The following ITGA11 variants were observed in gnomAD, a reference collection of about 807,000 sequenced individuals.
The protein encoded by ITGA11 is integrin alpha-11.
In ITGA11, 97 loss-of-function variants were observed where a neutral mutation model predicts 141.9. That is an observed-to-expected ratio of 0.68 (90% CI 0.58 to 0.81). ITGA11 has a LOEUF of 0.81. Among genes scored for constraint, ITGA11 ranks in the 30% least tolerant of loss-of-function variants. The pLI, the probability that ITGA11 is intolerant of heterozygous loss-of-function variation, is 0.00. For synonymous variants in ITGA11, 658 were observed against 624.6 expected (o/e 1.05, Z -0.80); for missense variants, 1,387 against 1,559.2 (o/e 0.89, Z 1.86).
chr15:68,310,988 A>G lies in ITGA11; in HGVS notation c.3174+6T>C, dbSNP rs2140271620. ...CACTGTGGCTCTCGGTCTGGGGGAC[A>G]CTCACCAGCTGTGGAGCACGACGCA... On this transcript the variant is annotated splice_donor_region_variant and intron_variant, in intron 26 of 29. Transcript: ENST00000315757. 1 of 1,595,156 alleles carries G rather than the reference A, an allele frequency of 6.3e-7. No individual in the cohort carries two copies. Among genetic ancestry groups the G allele is most frequent in the Non-Finnish European group, 8.5e-7 (1 of 1,170,138 alleles).
chr15:68,428,881 T>C (rs1897205963), intron 1 of ITGA11, among the ~76,000 whole-genome samples: 1 of 152,136 alleles, frequency 6.6e-6, no homozygotes, highest in Non-Finnish European at 1.5e-5. Flanking sequence ...ACAACAACCC[T>C]GAGTTCTTAT....
At chr15:68,319,890 C>T (rs1251482118) in intron 20 of ITGA11, among the ~76,000 whole-genome samples, 1 of 152,172 alleles carries the variant, frequency 6.6e-6, no homozygotes, top group Non-Finnish European at 1.5e-5. Context: ...CAGTTAGGAT[C>T]TCCAGAGGAG....
In ITGA11 at chr15:68,351,294, T is replaced by C; in HGVS notation, c.858A>G (p.Gln286=). ...ATCTTGTTACGTTGTCTCTTTCGCT[T>C]TGCTGGATCACCTTCTCCAGGTCTG... is the stretch of plus-strand genomic sequence containing the variant. The part of the protein sequence containing the change: ...DSPDLEKVIQ[Q]SERDNVTRYA... Residue 286 remains glutamine (Q), a synonymous_variant, in exon 8 of 30, where the codon CAA becomes CAG. Transcript: ENST00000315757. 1 of 1,614,058 alleles carries C rather than the reference T, an allele frequency of 6.2e-7. No homozygotes were observed. Among genetic ancestry groups the C allele is most frequent in the Non-Finnish European group, 8.5e-7 (1 of 1,179,900 alleles).
chr15:68,334,184 G>A (rs931697036), intron 12 of ITGA11, among the ~76,000 whole-genome samples: 2 of 152,366 alleles, frequency 1.3e-5, no homozygotes, highest in Middle Eastern at 3.4e-3. Context: ...ACTTTGCCTG[G>A]CACACAGAAG....
intron 2 of ITGA11, among the ~76,000 whole-genome samples, chr15:68,377,160 T>C (rs1412808620): frequency 6.6e-6 from 1 of 152,254 alleles, no homozygotes; most frequent in Non-Finnish European, 1.5e-5. Context: ...TAAATAATCC[T>C]TTAATTGGTT....
At chr15:68,380,703 G>C (rs989934663) in intron 2 of ITGA11, among the ~76,000 whole-genome samples, 8 of 152,154 alleles carry the variant, frequency 5.3e-5, no homozygotes, top group African/African-American at 1.9e-4. Flanking sequence ...TGGTGCCGGC[G>C]CTCATGTGCA....
At chr15:68,348,948 G>A (rs1399281242) in intron 9 of ITGA11, 48 bp from the exon 10 acceptor site, 1 of 1,503,954 alleles carries the variant, frequency 6.6e-7, no homozygotes, top group Admixed American at 1.9e-5. Context: ...CAATCCCTTA[G>A]CGCCAGACAG....
intron 2 of ITGA11, among the ~76,000 whole-genome samples, chr15:68,373,270 A>G (rs1301869418): frequency 1.3e-5 from 2 of 152,122 alleles, no homozygotes; most frequent in African/African-American, 2.4e-5. Context: ...GATGTCCTGG[A>G]CTGCCCTACT....
chr15:68,375,294 G>C (rs912896168), intron 2 of ITGA11, among the ~76,000 whole-genome samples: 2 of 152,238 alleles, frequency 1.3e-5, no homozygotes, highest in African/African-American at 4.8e-5. Flanking sequence ...GCATCAGGGA[G>C]GGGTTTCACT....
chr15:68,422,093 A>T (rs1162375554), intron 1 of ITGA11, among the ~76,000 whole-genome samples: 33 of 152,266 alleles, frequency 2.2e-4, no homozygotes, highest in Non-Finnish European at 7.4e-5. Flanking sequence ...TGGGCCTGAA[A>T]AGGGGTGGAG....
intron 9 of ITGA11, among the ~76,000 whole-genome samples, chr15:68,349,858 A>G (rs914246094): frequency 2.6e-5 from 4 of 152,236 alleles, no homozygotes; most frequent in South Asian, 2.1e-4. Context: ...AGGGTTTCAG[A>G]ATACGGAGTC....
At chr15:68,405,633 A>T (rs1369997083) in intron 1 of ITGA11, among the ~76,000 whole-genome samples, 1 of 152,158 alleles carries the variant, frequency 6.6e-6, no homozygotes, top group Admixed American at 6.5e-5. Context: ...TCCGGTGAGC[A>T]CAGGGTCCTG....
chr15:68,385,629 A>G (rs1382160267), intron 2 of ITGA11, among the ~76,000 whole-genome samples: 4 of 152,236 alleles, frequency 2.6e-5, no homozygotes. Context: ...TATCATCTAC[A>G]AAGTCTTGAG....
At chr15:68,401,289 A>C (rs1896504340) in intron 2 of ITGA11, among the ~76,000 whole-genome samples, 1 of 152,126 alleles carries the variant, frequency 6.6e-6, no homozygotes, top group Non-Finnish European at 1.5e-5. Flanking sequence ...CTTTGAAACA[A>C]ATGCCTGGCA....
chr15:68,407,873 G>T lies in ITGA11; in HGVS notation c.53-4844C>A, dbSNP rs546795069. ...GGTGAAGGCCAGGTAGGGCAGTCCT[G>T]GTCCCAGGTGCTGAGGGCTGCTGGC... is the stretch of plus-strand genomic sequence containing the variant. On this transcript the variant is annotated intron_variant, in intron 1 of 29. Coordinates refer to ENST00000315757, the MANE Select transcript of ITGA11 (RefSeq NM_001004439.2). Among the ~76,000 whole-genome samples the T allele has an allele frequency of 8.5e-5, 13 of 152,354 alleles. No individual in the cohort carries two copies. The East Asian group carries it at 2.5e-3, about 29-fold the overall frequency.
intron 1 of ITGA11, among the ~76,000 whole-genome samples, chr15:68,425,270 G>A (rs1044702311): frequency 6.6e-6 from 1 of 152,204 alleles, no homozygotes; most frequent in African/African-American, 2.4e-5. Context: ...GTTCAGAAAG[G>A]CCCTGCACTT....
intron 2 of ITGA11, among the ~76,000 whole-genome samples, chr15:68,397,582 TTAAAATATTA>T (rs1277544841): frequency 7.6e-5 from 3 of 39,318 alleles, no homozygotes; most frequent in Non-Finnish European, 1.4e-4. Context: ...AATATTATAT[TTAAAATATTA>T]TAAAATATTT....
chr15:68,341,508 G>A (rs942544909), intron 10 of ITGA11, among the ~76,000 whole-genome samples: 3 of 152,264 alleles, frequency 2.0e-5, no homozygotes, highest in African/African-American at 7.2e-5. Context: ...CAAGTCAGAG[G>A]CAGGGCTGGG....
chr15:68,326,684 C>T lies in ITGA11; in HGVS notation c.2181G>A (p.Glu727=), dbSNP rs1266457055. 2 of 1,591,342 alleles carry T rather than the reference C, an allele frequency of 1.3e-6. No individual in the cohort carries two copies. The highest frequency in any genetic ancestry group is 1.2e-5 in the South Asian group (1 of 86,812). ...CATGGAAGTTGATCCGCTCACAGAG[C>T]TCCTGGCCGGAGGAGAGCAGTACGG... is the stretch of plus-strand genomic sequence containing the variant. ...NRAVLLSSGQ[E]LCERINFHVL... The change falls in exon 17 of 30, where the codon GAG becomes GAA. Residue 727 remains glutamate, a synonymous_variant. Transcript: ENST00000315757. This position sits in a 1 kb window ranked among gnomAD's most constrained non-coding sequence, Gnocchi z 6.8.
Sources: allele counts gnomAD v4.1 joint callset (sites outside exome capture counted in the v4.1 genomes callset), GRCh38; gene constraint gnomAD v4.1.1; non-coding constraint Gnocchi (gnomAD v3.1); transcripts MANE v1.5; gene names NCBI Gene and HGNC (gene_info 2026-07-23, HGNC 2026-07-21).